The following GRIK2 variants were observed in gnomAD, a reference collection of about 807,000 sequenced individuals.
GRIK2 encodes the protein glutamate ionotropic receptor kainate type subunit 2.
In GRIK2, 32 loss-of-function variants were observed where a neutral mutation model predicts 100.3. The observed-to-expected ratio is 0.32, with a 90% CI of 0.24 to 0.43. The LOEUF (loss-of-function observed/expected upper bound fraction) is 0.43. GRIK2 is among the 20% of genes least tolerant of loss of function. The pLI is 1.00. For synonymous variants in GRIK2, 417 were observed against 389.4 expected, an observed-to-expected ratio of 1.07 and a Z score of -0.83; for missense variants, 843 against 1,114.9, an observed-to-expected ratio of 0.76 and a Z score of 3.47.
At chr6:101,978,420 G>C (rs1793527746) in intron 14 of GRIK2, among the ~76,000 whole-genome samples, 1 of 151,870 alleles carries the variant, frequency 6.6e-6, no homozygotes, top group Non-Finnish European at 1.5e-5. Flanking sequence ...AATTGCTATT[G>C]AGTTGTCCTT....
chr6:101,437,709 T>G (rs1324964773), intron 2 of GRIK2, among the ~76,000 whole-genome samples: 1 of 152,124 alleles, frequency 6.6e-6, no homozygotes, highest in African/African-American at 2.4e-5. Flanking sequence ...TCTGTCCAGC[T>G]TGCCAGCTTG....
intron 2 of GRIK2, among the ~76,000 whole-genome samples, chr6:101,476,204 G>C (rs150101887): frequency 1.9e-4 from 29 of 152,162 alleles, no homozygotes; most frequent in African/African-American, 7.0e-4. Context: ...GTGTTCTCTA[G>C]TACAATCAGA....
intron 2 of GRIK2, among the ~76,000 whole-genome samples, chr6:101,575,166 A>G (rs907206215): frequency 1.3e-4 from 20 of 151,840 alleles, no homozygotes; most frequent in Non-Finnish European, 2.5e-4. Flanking sequence ...GTACAACGAA[A>G]TTCTCCCCAA....
intron 2 of GRIK2, among the ~76,000 whole-genome samples, chr6:101,569,351 G>C (rs961327625): frequency 3.3e-5 from 5 of 151,608 alleles, no homozygotes; most frequent in South Asian, 4.1e-4. Context: ...TATAAATAAA[G>C]CTTTTAAAAG....
chr6:101,840,203 G>T (rs1270498618), intron 10 of GRIK2, among the ~76,000 whole-genome samples: 1 of 152,122 alleles, frequency 6.6e-6, no homozygotes, highest in Non-Finnish European at 1.5e-5. Flanking sequence ...GGGATTAAAA[G>T]AATAAAATGT....
intron 2 of GRIK2, among the ~76,000 whole-genome samples, chr6:101,480,264 C>T (rs1424017137): frequency 6.6e-6 from 1 of 152,080 alleles, no homozygotes; most frequent in African/African-American, 2.4e-5. Context: ...GTAAACTTTC[C>T]TGATGATGGT....
Position 101,686,133 on chromosome 6 carries a change from G to A in GRIK2, c.778-47G>A, listed in dbSNP as rs1210320182. The stretch of plus-strand genomic sequence containing the variant: ...GACTATTTCAGTAATACATGCCTGT[G>A]AAGATACTCTGTCCATAATAACAAC... On this transcript the variant is annotated intron_variant, in intron 6 of 16. Transcript: ENST00000369134. The A allele has an allele frequency of 2.0e-6, 3 of 1,509,150 alleles. No homozygotes were observed. In the South Asian group the frequency reaches 3.5e-5, roughly 18 times the overall value. 93.5% of individuals were successfully genotyped at this position (1,509,150 alleles called of 1,614,324 possible).
rs148107970 is a variant in GRIK2, at chr6:101,618,513, A to G, written c.116-3436A>G. ...TTTTGCTTTTTTAATTATACTTACC[A>G]TACACTTTAATTCTAAACATAAACT... On this transcript the variant is annotated intron_variant, in intron 2 of 16. Coordinates refer to ENST00000369134, the MANE Select transcript of GRIK2 (RefSeq NM_021956.5). Among the ~76,000 whole-genome samples, 54 of 151,886 alleles carry G rather than the reference A, an allele frequency of 3.6e-4. 1 individual carries two copies. In the East Asian group the frequency reaches 0.01, roughly 28 times the overall value.
chr6:102,029,480 A>C (rs924577195), intron 14 of GRIK2, among the ~76,000 whole-genome samples: 3 of 151,108 alleles, frequency 2.0e-5, no homozygotes, highest in Non-Finnish European at 3.0e-5. Flanking sequence ...GTGCATTTTT[A>C]TTCCTTTTCT....
chr6:101,918,097 A>C (rs1359862249), intron 12 of GRIK2, among the ~76,000 whole-genome samples: 1 of 151,686 alleles, frequency 6.6e-6, no homozygotes, highest in Non-Finnish European at 1.5e-5. Context: ...GAACAAAAAA[A>C]CCAGAATATT....
chr6:102,027,758 A>G (rs1336277099), intron 14 of GRIK2, among the ~76,000 whole-genome samples: 1 of 151,116 alleles, frequency 6.6e-6, no homozygotes, highest in African/African-American at 2.4e-5. Flanking sequence ...CAATGAGCAT[A>G]AGATGGTTTC....
chr6:101,418,317 C>T (rs2128239619), intron 2 of GRIK2, among the ~76,000 whole-genome samples: 1 of 152,234 alleles, frequency 6.6e-6, no homozygotes, highest in East Asian at 1.9e-4. Flanking sequence ...TTGTTGCTTT[C>T]TGGCAGTGGA....
At chr6:102,053,208 A>G (rs115585267) in intron 15 of GRIK2, among the ~76,000 whole-genome samples, 2,817 of 152,238 alleles carry the variant, frequency 0.019, 86 homozygotes, top group African/African-American at 0.064. Context: ...TGTTGCATAT[A>G]CTGTTTCTAA....
At chr6:101,734,544 C>T (rs1351483310) in intron 7 of GRIK2, among the ~76,000 whole-genome samples, 16 of 152,118 alleles carry the variant, frequency 1.1e-4, no homozygotes, top group Admixed American at 8.5e-4. Flanking sequence ...TACCCACAGA[C>T]ACACCAAGAA....
intron 2 of GRIK2, among the ~76,000 whole-genome samples, chr6:101,452,644 A>G (rs1182147089): frequency 6.6e-6 from 1 of 151,836 alleles, no homozygotes; most frequent in Non-Finnish European, 1.5e-5. Context: ...AGTCTTAGGC[A>G]TCAAAAATTG....
At chr6:101,727,295 A>G (rs1351998063) in intron 7 of GRIK2, among the ~76,000 whole-genome samples, 3 of 152,130 alleles carry the variant, frequency 2.0e-5, no homozygotes, top group Non-Finnish European at 4.4e-5. Flanking sequence ...AGAACAAAAA[A>G]TTAGAAGAAA....
intron 2 of GRIK2, among the ~76,000 whole-genome samples, chr6:101,419,319 G>A (rs1440846249): frequency 6.6e-6 from 1 of 152,056 alleles, no homozygotes; most frequent in East Asian, 1.9e-4. Flanking sequence ...TGTGTAGCCA[G>A]TAGCTTCATT....
At chr6:101,982,071 C>G (rs1395353055) in intron 14 of GRIK2, among the ~76,000 whole-genome samples, 2 of 151,786 alleles carry the variant, frequency 1.3e-5, no homozygotes, top group African/African-American at 4.8e-5. Context: ...TATTTGAAGC[C>G]AAATATGAAG....
At chr6:102,047,255 C>A (rs776925012) in intron 15 of GRIK2, among the ~76,000 whole-genome samples, 3 of 151,660 alleles carry the variant, frequency 2.0e-5, no homozygotes, top group East Asian at 1.9e-4. Context: ...AGGAAAAAAA[C>A]CCAATAGTCA....
Sources: allele counts gnomAD v4.1 joint callset (sites outside exome capture counted in the v4.1 genomes callset), GRCh38; gene constraint gnomAD v4.1.1; transcripts MANE v1.5; gene names NCBI Gene and HGNC (gene_info 2026-07-23, HGNC 2026-07-21).